The following WWOX variants were observed in gnomAD, a reference collection of about 807,000 sequenced individuals.
WWOX encodes WW domain-containing oxidoreductase.
A neutral mutation model predicts 46.2 loss-of-function variants in WWOX; 69 were observed. The ratio of observed to expected loss-of-function variants is 1.49; its 90% CI spans 1.23 to 1.82. WWOX has a LOEUF of 1.82. Ranked by LOEUF, WWOX falls within the 40% of genes most tolerant of loss-of-function variation. The probability of loss-of-function intolerance (pLI) is 0.00; values close to 1 mark genes in which losing one functional copy is unlikely to be tolerated. For synonymous variants in WWOX, 359 were observed against 202.6 expected, an observed-to-expected ratio of 1.77 and a Z score of -6.56; for missense variants, 919 against 542.6, an observed-to-expected ratio of 1.69 and a Z score of -6.89.
intron 8 of WWOX, among the ~76,000 whole-genome samples, chr16:78,917,527 A>G (rs1049006604): frequency 7.2e-5 from 11 of 152,088 alleles, no homozygotes; most frequent in Non-Finnish European, 1.3e-4. Flanking sequence ...GAAGTCAACA[A>G]AATGGTCTGT....
chr16:78,634,856 G>A (rs1363359021), intron 8 of WWOX, among the ~76,000 whole-genome samples: 2 of 151,716 alleles, frequency 1.3e-5, no homozygotes, highest in Non-Finnish European at 1.5e-5. Flanking sequence ...GTGTGTGTGT[G>A]TGTGTGTGTG....
At chr16:78,615,271 G>A (rs931030710) in intron 8 of WWOX, among the ~76,000 whole-genome samples, 1 of 152,160 alleles carries the variant, frequency 6.6e-6, no homozygotes, top group Admixed American at 6.5e-5. Flanking sequence ...TTCAGGCTCT[G>A]CTACAGACGT....
chr16:78,488,488 A>G (rs1275339407), intron 8 of WWOX, among the ~76,000 whole-genome samples: 1 of 152,020 alleles, frequency 6.6e-6, no homozygotes. Flanking sequence ...TAAGGATAAG[A>G]CTTTCTGATT....
At chr16:78,825,478 TG>T in intron 8 of WWOX, 1 of 447,758 alleles carries the variant, frequency 2.2e-6, no homozygotes, top group Non-Finnish European at 4.5e-6. Context: ...CCAGGGATTC[TG>T]GAATTGACTG....
intron 8 of WWOX, among the ~76,000 whole-genome samples, chr16:78,533,625 C>G (rs1468398766): frequency 6.6e-6 from 1 of 152,082 alleles, no homozygotes; most frequent in Non-Finnish European, 1.5e-5. Context: ...CCTGGGCTGG[C>G]CTGAGAGGCA....
At chr16:78,486,598 A>G (rs2084644393) in intron 8 of WWOX, among the ~76,000 whole-genome samples, 1 of 107,476 alleles carries the variant, frequency 9.3e-6, no homozygotes, top group South Asian at 2.6e-4. Flanking sequence ...TTGTTTTGAA[A>G]CAGTCTCACT....
At chr16:78,508,461 A>G (rs968937970) in intron 8 of WWOX, among the ~76,000 whole-genome samples, 2 of 152,054 alleles carry the variant, frequency 1.3e-5, no homozygotes, top group Non-Finnish European at 2.9e-5. Context: ...CAACACAGCC[A>G]TCTAGCTGCA....
chr16:79,017,634 C>A (rs139640841), intron 8 of WWOX, among the ~76,000 whole-genome samples: 2 of 151,496 alleles, frequency 1.3e-5, no homozygotes, highest in Non-Finnish European at 1.5e-5. Flanking sequence ...TGTGCATGGC[C>A]GTGTTCTGAT....
chr16:78,328,598 A>G (rs2080685169), intron 5 of WWOX, among the ~76,000 whole-genome samples: 1 of 152,190 alleles, frequency 6.6e-6, no homozygotes, highest in East Asian at 1.9e-4. Context: ...AATAAGATAA[A>G]TAAGATCGAA....
chr16:78,635,520 T>C (rs2151666607), intron 8 of WWOX, among the ~76,000 whole-genome samples: 1 of 152,270 alleles, frequency 6.6e-6, no homozygotes. Context: ...CCACTTACTT[T>C]CTGGCGGGTG....
chr16:78,201,263 G>A, intron 5 of WWOX, among the ~76,000 whole-genome samples: 1 of 152,266 alleles, frequency 6.6e-6, no homozygotes, highest in South Asian at 2.1e-4. Context: ...TATTTTTTGA[G>A]AAGACAAATT....
chr16:78,883,912 C>G (rs1292144151), intron 8 of WWOX, among the ~76,000 whole-genome samples: 1 of 152,008 alleles, frequency 6.6e-6, no homozygotes, highest in Admixed American at 6.5e-5. Context: ...ATGATAGTAA[C>G]ATCAGTTGGT....
chr16:78,491,849 C>T (rs1307265478), intron 8 of WWOX, among the ~76,000 whole-genome samples: 1 of 152,116 alleles, frequency 6.6e-6, no homozygotes, highest in Non-Finnish European at 1.5e-5. Flanking sequence ...CCTCCAGTGG[C>T]CCAAGACTCC....
intron 8 of WWOX, among the ~76,000 whole-genome samples, chr16:78,561,381 G>A (rs1487243410): frequency 6.6e-6 from 1 of 151,970 alleles, no homozygotes; most frequent in Non-Finnish European, 1.5e-5. Flanking sequence ...TGATGTCTAG[G>A]TCTGGATTTC....
intron 8 of WWOX, among the ~76,000 whole-genome samples, chr16:79,146,449 C>G (rs1214364892): frequency 6.6e-6 from 1 of 152,068 alleles, no homozygotes; most frequent in African/African-American, 2.4e-5. Flanking sequence ...TGTGGCTGAC[C>G]TGGGCAGCGT....
At chr16:78,369,620 C>G (rs2081619905) in intron 5 of WWOX, among the ~76,000 whole-genome samples, 1 of 151,916 alleles carries the variant, frequency 6.6e-6, no homozygotes, top group South Asian at 2.1e-4. Flanking sequence ...CTCAAAGAGG[C>G]AAACATTTTC....
intron 8 of WWOX, among the ~76,000 whole-genome samples, chr16:79,179,262 G>C (rs1399154020): frequency 6.6e-6 from 1 of 152,206 alleles, no homozygotes; most frequent in East Asian, 1.9e-4. Context: ...ACTTGGACCA[G>C]GGTGGTGAAT....
chr16:78,564,239 T>C (rs1014935856), intron 8 of WWOX, among the ~76,000 whole-genome samples: 1 of 152,238 alleles, frequency 6.6e-6, no homozygotes, highest in Non-Finnish European at 1.5e-5. Context: ...CACAGCAAAA[T>C]TGAATGGAGA....
intron 8 of WWOX, among the ~76,000 whole-genome samples, chr16:78,808,342 G>A (rs980297985): frequency 7.2e-5 from 11 of 152,188 alleles, no homozygotes; most frequent in African/African-American, 2.7e-4. Context: ...TATGCTGCAA[G>A]TATTTTATTC....
Sources: gnomAD v4.1 joint callset for allele counts (sites outside exome capture counted in the v4.1 genomes callset) on GRCh38, gnomAD v4.1.1 for gene constraint, MANE v1.5 for transcripts, NCBI Gene and HGNC (gene_info 2026-07-23, HGNC 2026-07-21) for gene names.